The following ANO6 variants were observed in gnomAD, a reference collection of about 807,000 sequenced individuals.
ANO6 encodes the protein anoctamin-6.
A neutral mutation model predicts 117.5 loss-of-function variants in ANO6; 106 were observed. That is an observed-to-expected ratio of 0.90 (90% CI 0.77 to 1.06). The LOEUF is 1.06. Ranked by LOEUF, ANO6 falls within the 50% of genes least tolerant of loss-of-function variation. ANO6 has a pLI of 0.00. For synonymous variants in ANO6, 367 were observed against 385.1 expected (o/e 0.95, Z 0.55); for missense variants, 955 against 1,121.1 (o/e 0.85, Z 2.12).
intron 2 of ANO6, among the ~76,000 whole-genome samples, chr12:45,310,799 G>A (rs1339692021): frequency 1.3e-5 from 2 of 152,026 alleles, no homozygotes; most frequent in Non-Finnish European, 2.9e-5. Flanking sequence ...AATCTAGTGG[G>A]GCAAATGTGA....
chr12:45,280,631 A>G (rs971586101), intron 1 of ANO6, among the ~76,000 whole-genome samples: 1 of 152,166 alleles, frequency 6.6e-6, no homozygotes, highest in African/African-American at 2.4e-5. Context: ...ACCCAGCAGA[A>G]TGGAAACTGA....
chr12:45,278,159 GT>G (rs1938611129), intron 1 of ANO6, among the ~76,000 whole-genome samples: 1 of 152,050 alleles, frequency 6.6e-6, no homozygotes, highest in Admixed American at 6.6e-5. Context: ...GTCTCTCTGT[GT>G]TGCCCAGGCT....
rs550544371 is a variant in ANO6 at position 45,423,059 on chromosome 12, G to A, written c.2523G>A (p.Met841Ile). 4 of 1,608,590 alleles carry A rather than the reference G, an allele frequency of 2.5e-6. No individual in the cohort carries two copies. The highest frequency in any genetic ancestry group is 1.7e-5 in the Admixed American group (1 of 60,012). ...CCAAGCTGGCTTTTATCATTGTCAT[G>A]GAGGTAGGAAAAGTATGCTTTCAAA... ...IAAKLAFIIV[M>I]EHVIYSVKFF... is the part of the protein sequence containing the mutation. Residue 841 changes from methionine to isoleucine, a missense_variant, in exon 19 of 20, where the codon ATG becomes ATA. By Grantham distance (10) the Met-to-Ile change is conservative. Transcript: ENST00000320560.
intron 1 of ANO6, among the ~76,000 whole-genome samples, chr12:45,233,295 A>G (rs1947601106): frequency 6.6e-6 from 1 of 152,206 alleles, no homozygotes; most frequent in Non-Finnish European, 1.5e-5. Context: ...GAATAGCCAA[A>G]GCACCCTAGT....
At chr12:45,371,011 C>T (rs1025585233) in intron 9 of ANO6, among the ~76,000 whole-genome samples, 17 of 152,124 alleles carry the variant, frequency 1.1e-4, no homozygotes, top group Admixed American at 3.3e-4. Context: ...ACGCACCGTG[C>T]GCGAGCCGAA....
chr12:45,343,285 A>C (rs1941033428), intron 3 of ANO6, among the ~76,000 whole-genome samples: 1 of 152,174 alleles, frequency 6.6e-6, no homozygotes, highest in African/African-American at 2.4e-5. Flanking sequence ...CTTCTGACTG[A>C]TTCTCCTACT....
At position 45,362,037 on chromosome 12, in the gene ANO6, T is replaced by C. The variant is rs1009017878; in HGVS notation, c.998+4613T>C. Among the ~76,000 whole-genome samples the C allele has an allele frequency of 3.3e-5, 5 of 152,244 alleles. No individual in the cohort carries two copies. The East Asian group carries it at 7.7e-4, about 23-fold the overall frequency. Reference sequence around the variant, plus strand: ...GAGAAGTGTTCCCTCTTCTTTGTTTTTAAAAGAGTTTATGAAACATTGGTG... The same window carrying C: ...GAGAAGTGTTCCCTCTTCTTTGTTTCTAAAAGAGTTTATGAAACATTGGTG... On this transcript the variant is annotated intron_variant, in intron 8 of 19. Coordinates refer to ENST00000320560, the MANE Select transcript of ANO6 (RefSeq NM_001025356.3).
chr12:45,401,986 AT>A lies in ANO6; in HGVS notation c.1579del (p.Tyr527MetfsTer7). 1 of 1,613,998 alleles carries A rather than the reference AT, an allele frequency of 6.2e-7. No individual in the cohort carries two copies. Among genetic ancestry groups the A allele is most frequent in the Non-Finnish European group, 8.5e-7 (1 of 1,179,954 alleles). ...FIIIMILNTI[Y>X]EKVAIMITNF... is the part of the protein sequence containing the mutation. ...TAATTATCATGATTCTGAACACCATATATGAAAAAGTGGCAATTATGATTAC... is the reference window on the plus strand; with the variant it reads ...TAATTATCATGATTCTGAACACCATAATGAAAAAGTGGCAATTATGATTAC... On this transcript the variant is annotated frameshift_variant, in exon 13 of 20. Coordinates refer to ENST00000320560, the MANE Select transcript of ANO6 (RefSeq NM_001025356.3). LOFTEE classifies it high-confidence loss of function.
At chr12:45,225,754 G>T (rs2137128004) in intron 1 of ANO6, among the ~76,000 whole-genome samples, 1 of 152,298 alleles carries the variant, frequency 6.6e-6, no homozygotes, top group East Asian at 1.9e-4. Flanking sequence ...CTTCCAAAGT[G>T]CTGGGATTAC....
At chr12:45,361,479 C>G (rs1941553993) in intron 8 of ANO6, among the ~76,000 whole-genome samples, 1 of 152,106 alleles carries the variant, frequency 6.6e-6, no homozygotes, top group Admixed American at 6.5e-5. Flanking sequence ...GTCATACTGT[C>G]TGTGAACAGA....
At chr12:45,405,735 C>A (rs1391723487) in intron 15 of ANO6, among the ~76,000 whole-genome samples, 8 of 152,128 alleles carry the variant, frequency 5.3e-5, no homozygotes, top group African/African-American at 1.4e-4. Context: ...CATGGAGAAA[C>A]CCCATCTCTA....
At chr12:45,255,122 G>A (rs1319782310) in intron 1 of ANO6, among the ~76,000 whole-genome samples, 2 of 152,088 alleles carry the variant, frequency 1.3e-5, no homozygotes, top group Non-Finnish European at 2.9e-5. Context: ...TCTTAATTTT[G>A]TAGCATCTTG....
chr12:45,294,591 A>G (rs1367967025), intron 1 of ANO6, among the ~76,000 whole-genome samples: 1 of 152,228 alleles, frequency 6.6e-6, no homozygotes, highest in Non-Finnish European at 1.5e-5. Context: ...AATGATTAGA[A>G]GAGACTGCCA....
chr12:45,433,337 G>A (rs73283340), downstream of ANO6, among the ~76,000 whole-genome samples: 2,101 of 152,296 alleles, frequency 0.014, 44 homozygotes, highest in African/African-American at 0.048. Context: ...CATGTGGATG[G>A]TCTTTGCTTA....
At chr12:45,395,391 C>T (rs1406327629) in intron 12 of ANO6, among the ~76,000 whole-genome samples, 1 of 152,202 alleles carries the variant, frequency 6.6e-6, no homozygotes, top group Non-Finnish European at 1.5e-5. Flanking sequence ...GAAGGATTCA[C>T]AGCCAAATTC....
At chr12:45,271,588 A>T (rs1056953309) in intron 1 of ANO6, among the ~76,000 whole-genome samples, 2 of 152,132 alleles carry the variant, frequency 1.3e-5, no homozygotes, top group Non-Finnish European at 2.9e-5. Flanking sequence ...ATCTTCTGTC[A>T]TTGCAGTGTA....
chr12:45,333,806 A>C (rs1197371637), intron 3 of ANO6, among the ~76,000 whole-genome samples: 2 of 152,038 alleles, frequency 1.3e-5, no homozygotes, highest in African/African-American at 4.8e-5. Flanking sequence ...ACTCCTTGTC[A>C]GGCCTTATTG....
At position 45,427,319 on chromosome 12, in the gene ANO6, C is replaced by T. The variant is rs568354118; in HGVS notation, c.2527-1786C>T. 7.2e-5 allele frequency among the ~76,000 whole-genome samples: 11 copies of T among 152,252 alleles called. No homozygotes were observed. In the East Asian group the frequency reaches 1.9e-3, roughly 27 times the overall value. On this transcript the variant is annotated intron_variant, in intron 19 of 19. Coordinates refer to ENST00000320560, the MANE Select transcript of ANO6 (RefSeq NM_001025356.3). ...ACACAAGGCCTCATGGATCCAGCCA[C>T]GCCCCAGTGCCCCTCAGACATCACT...
chr12:45,359,897 G>A (rs116721391), intron 8 of ANO6, among the ~76,000 whole-genome samples: 1,812 of 152,262 alleles, frequency 0.012, 38 homozygotes, highest in African/African-American at 0.039. Context: ...TATTCCACCT[G>A]CAATGTATGA....
Sources: allele counts gnomAD v4.1 joint callset (sites outside exome capture counted in the v4.1 genomes callset), GRCh38; gene constraint gnomAD v4.1.1; transcripts MANE v1.5; gene names NCBI Gene and HGNC (gene_info 2026-07-23, HGNC 2026-07-21).